NKAIN2: variants seen among roughly 807,000 people sequenced by gnomAD.
NKAIN2 encodes sodium/potassium-transporting ATPase subunit beta-1-interacting protein 2.
NKAIN2 carries 14 observed loss-of-function variants against 32.6 expected under a neutral mutation model. The observed-to-expected ratio is 0.43, with a 90% CI of 0.28 to 0.67. The LOEUF is 0.67. Ranked by LOEUF, NKAIN2 falls within the 30% of genes least tolerant of loss-of-function variation. The pLI, the probability that NKAIN2 is intolerant of heterozygous loss-of-function variation, is 0.17. For missense variants in NKAIN2, 198 were observed against 258.3 expected (o/e 0.77, Z 1.60); for synonymous variants, 80 against 87.2 (o/e 0.92, Z 0.46).
chr6:124,487,430 C>G (rs893876061), intron 3 of NKAIN2, among the ~76,000 whole-genome samples: 1 of 152,094 alleles, frequency 6.6e-6, no homozygotes, highest in Admixed American at 6.6e-5. Flanking sequence ...ATTTCAACAG[C>G]TTAACTTAGG....
At chr6:124,482,776 A>G (rs147573649) in intron 3 of NKAIN2, among the ~76,000 whole-genome samples, 2,290 of 152,312 alleles carry the variant, frequency 0.015, 62 homozygotes, top group African/African-American at 0.052. Flanking sequence ...TATGGTAGCA[A>G]TTTACCTTCA....
intron 4 of NKAIN2, among the ~76,000 whole-genome samples, chr6:124,684,596 T>G (rs563214441): frequency 9.9e-5 from 15 of 152,134 alleles, no homozygotes; most frequent in Admixed American, 9.8e-4. Flanking sequence ...TAAAAACCCA[T>G]TAAAATCTGA....
chr6:124,246,840 G>A (rs917506460), intron 1 of NKAIN2, among the ~76,000 whole-genome samples: 2 of 152,036 alleles, frequency 1.3e-5, no homozygotes, highest in Non-Finnish European at 1.5e-5. Flanking sequence ...ACCACAAAAC[G>A]TATTGGCTTC....
chr6:124,278,215 G>A (rs982542549), intron 1 of NKAIN2, among the ~76,000 whole-genome samples: 14 of 152,074 alleles, frequency 9.2e-5, no homozygotes, highest in African/African-American at 3.4e-4. Flanking sequence ...CAGTACAAAG[G>A]CTTCCCTTTT....
chr6:124,252,859 G>C (rs1666512235), intron 1 of NKAIN2, among the ~76,000 whole-genome samples: 1 of 152,044 alleles, frequency 6.6e-6, no homozygotes, highest in African/African-American at 2.4e-5. Flanking sequence ...TAATTCATGA[G>C]GTTGTTAAAA....
intron 1 of NKAIN2, among the ~76,000 whole-genome samples, chr6:123,997,597 C>CTTTTTTT (rs545393601): frequency 2.0e-5 from 2 of 98,258 alleles, no homozygotes; most frequent in Non-Finnish European, 3.9e-5. Flanking sequence ...GGAGTTTATT[C>CTTTTTTT]TTTTTTTTTT....
intron 1 of NKAIN2, among the ~76,000 whole-genome samples, chr6:124,118,748 T>C (rs1438296529): frequency 1.3e-5 from 2 of 152,160 alleles, no homozygotes; most frequent in South Asian, 4.1e-4. Context: ...GTTACTGGGA[T>C]AAAAACTTAG....
chr6:124,282,124 T>G (rs1582984247), intron 1 of NKAIN2: 1 of 244,634 alleles, frequency 4.1e-6, no homozygotes, highest in African/African-American at 2.4e-5. Context: ...AAATGGTACT[T>G]CCGGACTACC....
At chr6:124,133,218 A>G (rs1786567811) in intron 1 of NKAIN2, among the ~76,000 whole-genome samples, 2 of 152,154 alleles carry the variant, frequency 1.3e-5, no homozygotes, top group Non-Finnish European at 1.5e-5. Context: ...GACTGGAGGT[A>G]CACCTTCCAG....
chr6:124,038,781 T>C (rs1781726673), intron 1 of NKAIN2, among the ~76,000 whole-genome samples: 1 of 152,158 alleles, frequency 6.6e-6, no homozygotes, highest in Non-Finnish European at 1.5e-5. Context: ...AGTTTCATTT[T>C]AATATGTGTT....
chr6:124,087,012 A>G (rs1784216919), intron 1 of NKAIN2, among the ~76,000 whole-genome samples: 1 of 151,920 alleles, frequency 6.6e-6, no homozygotes, highest in African/African-American at 2.4e-5. Flanking sequence ...ACATAGATAC[A>G]AAAATCCTCT....
At chr6:124,217,815 A>G (rs1056727046) in intron 1 of NKAIN2, among the ~76,000 whole-genome samples, 4 of 152,080 alleles carry the variant, frequency 2.6e-5, no homozygotes, top group Non-Finnish European at 5.9e-5. Flanking sequence ...ACACACACAC[A>G]TATCTATATA....
intron 3 of NKAIN2, among the ~76,000 whole-genome samples, chr6:124,507,343 G>A (rs1223092315): frequency 6.6e-6 from 1 of 151,972 alleles, no homozygotes; most frequent in Non-Finnish European, 1.5e-5. Flanking sequence ...CTAAAGCTTC[G>A]TTTCTATATT....
chr6:124,813,440 A>C (rs1195589721), intron 5 of NKAIN2, among the ~76,000 whole-genome samples: 9 of 152,170 alleles, frequency 5.9e-5, no homozygotes, highest in African/African-American at 2.2e-4. Context: ...AACTCAAAGC[A>C]AGAACTTAAG....
intron 3 of NKAIN2, among the ~76,000 whole-genome samples, chr6:124,599,011 A>G (rs1782204494): frequency 7.3e-6 from 1 of 137,204 alleles, no homozygotes; most frequent in Non-Finnish European, 1.5e-5. Flanking sequence ...AATGAGGTAC[A>G]CAAATCTATT....
At chr6:124,575,594 C>T (rs1196133686) in intron 3 of NKAIN2, among the ~76,000 whole-genome samples, 2 of 152,190 alleles carry the variant, frequency 1.3e-5, no homozygotes, top group Non-Finnish European at 2.9e-5. Context: ...GCTCTGCTAA[C>T]CCTTATAAGC....
At chr6:124,603,114 G>A (rs1352164288) in intron 3 of NKAIN2, among the ~76,000 whole-genome samples, 1 of 151,792 alleles carries the variant, frequency 6.6e-6, no homozygotes, top group African/African-American at 2.4e-5. Context: ...AAGCTGTTAG[G>A]AGATATTATC....
At chr6:124,268,521 A>G (rs1432053792) in intron 1 of NKAIN2, among the ~76,000 whole-genome samples, 1 of 152,112 alleles carries the variant, frequency 6.6e-6, no homozygotes, top group African/African-American at 2.4e-5. Flanking sequence ...GCTGAGCACT[A>G]TGTGAAGTAG....
At chr6:124,365,679 T>G (rs1799488352) in intron 3 of NKAIN2, among the ~76,000 whole-genome samples, 1 of 151,904 alleles carries the variant, frequency 6.6e-6, no homozygotes, top group Non-Finnish European at 1.5e-5. Context: ...TTAAAAAACT[T>G]GATATAATTG....
Sources: gnomAD v4.1 joint callset for allele counts (sites outside exome capture counted in the v4.1 genomes callset) on GRCh38, gnomAD v4.1.1 for gene constraint, MANE v1.5 for transcripts, NCBI Gene and HGNC (gene_info 2026-07-23, HGNC 2026-07-21) for gene names.